The following FAM86B1 variants were observed in gnomAD, a reference collection of about 807,000 sequenced individuals.
FAM86B1 encodes the protein putative protein N-methyltransferase FAM86B1.
For synonymous variants in FAM86B1, 4 were observed against 137.6 expected, an observed-to-expected ratio of 0.03 and a Z score of 6.79; for missense variants, 13 against 328.1, an observed-to-expected ratio of 0.04 and a Z score of 7.42.
In FAM86B1 at chr8:12,192,956, C is replaced by A. The variant is rs1309131143; in HGVS notation, c.96+1019G>T. On this transcript the variant is annotated intron_variant, in intron 1 of 6. Transcript: ENST00000448228. ...AGATACAGTCACTTGCCCAAGGTCA[C>A]ACAGGGCCAGGGGTTGGGCCAGGAT... Among the ~76,000 whole-genome samples the A allele has an allele frequency of 8.8e-3, 1,262 of 143,566 alleles. 4 individuals carry two copies. Among genetic ancestry groups the A allele is most frequent in the African/African-American group, 0.035 (1,194 of 34,502 alleles). The allele number at this position is 143,566 out of a possible 152,430, so 94.2% of individuals were successfully genotyped here. A position where few individuals can be genotyped will look rare whatever the true frequency, so the allele number is the denominator to read the frequency against.
At chr8:12,192,840 G>A (rs866373508) in intron 1 of FAM86B1, among the ~76,000 whole-genome samples, 1,551 of 148,968 alleles carry the variant, frequency 0.01, 27 homozygotes, top group African/African-American at 0.038. Flanking sequence ...GCACTGATCC[G>A]CAGGCATTTG....
At chr8:12,187,239 G>C in intron 3 of FAM86B1, among the ~76,000 whole-genome samples, 1 of 35,412 alleles carries the variant, frequency 2.8e-5, no homozygotes, top group African/African-American at 6.4e-5. Flanking sequence ...TGTCACCCAG[G>C]CTGGAGTCAG....
intron 2 of FAM86B1, 136 bp from the exon 3 acceptor site, chr8:12,190,024 GC>G (rs1372477755): frequency 4.8e-5 from 4 of 83,584 alleles, no homozygotes; most frequent in African/African-American, 3.0e-4. Context: ...CAGCGTTCTG[GC>G]CCCATGCATC....
intron 1 of FAM86B1, among the ~76,000 whole-genome samples, chr8:12,193,414 C>T (rs1807270389): frequency 7.2e-6 from 1 of 138,138 alleles, no homozygotes; most frequent in Non-Finnish European, 1.5e-5. Flanking sequence ...GAGGCTGCTG[C>T]CTGCCATGTG....
chr8:12,192,608 G>GT (rs1807087972), intron 1 of FAM86B1, among the ~76,000 whole-genome samples: 1 of 85,670 alleles, frequency 1.2e-5, no homozygotes, highest in Non-Finnish European at 2.3e-5. Context: ...GTTCTCCCCA[G>GT]TTGCTCCATT....
chr8:12,193,119 G>T (rs1166546341), intron 1 of FAM86B1, among the ~76,000 whole-genome samples: 3 of 143,374 alleles, frequency 2.1e-5, no homozygotes, highest in Admixed American at 1.4e-4. Context: ...TTAGCATTCA[G>T]TGTGGGCATG....
At chr8:12,189,246 C>CA (rs1282299593) in intron 3 of FAM86B1, among the ~76,000 whole-genome samples, 7 of 141,024 alleles carry the variant, frequency 5.0e-5, no homozygotes, top group South Asian at 4.4e-4. Flanking sequence ...GACTCTGTCT[C>CA]AAAAAAAATA....
chr8:12,190,751 A>AT (rs548024674), intron 2 of FAM86B1, among the ~76,000 whole-genome samples: 79 of 93,436 alleles, frequency 8.5e-4, no homozygotes, highest in African/African-American at 3.2e-3. Flanking sequence ...CACCCAGCTA[A>AT]TTTTTTTTTA....
At chr8:12,192,795 C>G (rs1807128252) in intron 1 of FAM86B1, among the ~76,000 whole-genome samples, 1 of 150,122 alleles carries the variant, frequency 6.7e-6, no homozygotes, top group African/African-American at 2.5e-5. Flanking sequence ...GAAGAAAACA[C>G]TAGCTAACAC....
rs1305234513 is a variant in FAM86B1, at chr8:12,183,554, TC to T, written c.*51del. ...ATCCACTTTCCCATATAAAAATTCTTCCCACGAGAGTGACTTGATTCTCACA... is the reference window on the plus strand; with the variant it reads ...ATCCACTTTCCCATATAAAAATTCTTCCACGAGAGTGACTTGATTCTCACA... On this transcript the variant is annotated 3_prime_UTR_variant, in exon 7 of 7. Transcript: ENST00000448228. The T allele has an allele frequency of 1.8e-6, 1 of 553,202 alleles. No individual in the cohort carries two copies. Among genetic ancestry groups the T allele is most frequent in the Non-Finnish European group, 3.3e-6 (1 of 306,226 alleles). 34.3% of individuals were successfully genotyped at this position (553,202 alleles called of 1,614,324 possible). A position where few individuals can be genotyped will look rare whatever the true frequency, so the allele number is the denominator to read the frequency against.
chr8:12,185,733 AG>A, intron 5 of FAM86B1: 1 of 458,778 alleles, frequency 2.2e-6, no homozygotes, highest in Non-Finnish European at 3.6e-6. Flanking sequence ...CCGAAGCAAA[AG>A]AAAAAAATCT....
upstream of FAM86B1, chr8:12,194,793 G>C (rs1307210318): frequency 6.7e-6 from 1 of 149,712 alleles, no homozygotes; most frequent in Non-Finnish European, 1.4e-5. Context: ...CCGAGACCTA[G>C]CTGGGCTTGG....
intron 1 of FAM86B1, among the ~76,000 whole-genome samples, chr8:12,192,491 T>G (rs1807065228): frequency 7.7e-6 from 1 of 129,758 alleles, no homozygotes; most frequent in South Asian, 2.3e-4. Flanking sequence ...CCTTTGCATA[T>G]CTTGTTCCCC....
intron 3 of FAM86B1, among the ~76,000 whole-genome samples, chr8:12,187,099 T>TA (rs571771462): frequency 0.08 from 688 of 8,642 alleles, 18 homozygotes; most frequent in African/African-American, 0.14. Context: ...GGAGCACAGG[T>TA]CAGTGGTGGC....
At chr8:12,192,771 A>T (rs1374051671) in intron 1 of FAM86B1, among the ~76,000 whole-genome samples, 5 of 149,030 alleles carry the variant, frequency 3.4e-5, no homozygotes, top group Admixed American at 2.7e-4. Context: ...GCATTTATTA[A>T]ACATTTTGAG....
rs1050465467 is a variant in FAM86B1 at position 12,182,513 on chromosome 8, G to C, written c.*1093C>G. The C allele has an allele frequency of 8.1e-6, 12 of 1,478,056 alleles. No homozygotes were observed. In the African/African-American group the frequency reaches 1.3e-4, roughly 16 times the overall value. The allele number at this position is 1,478,056 out of a possible 1,614,324, so 91.6% of individuals were successfully genotyped here. On this transcript the variant is annotated 3_prime_UTR_variant, in exon 7 of 7. Transcript: ENST00000448228. ...GGGTTGTTGTTGGGTCGGGGACCTG[G>C]GGTCATCCAAGTGGTGACCTGGGAT...
intron 1 of FAM86B1, among the ~76,000 whole-genome samples, chr8:12,192,976 C>G (rs1381711139): frequency 1.4e-5 from 2 of 144,188 alleles, no homozygotes; most frequent in African/African-American, 5.7e-5. Context: ...GGGGTTGGGC[C>G]AGGATTCGAA....
chr8:12,193,108 G>C (rs1242939749), intron 1 of FAM86B1, among the ~76,000 whole-genome samples: 18 of 143,568 alleles, frequency 1.3e-4, no homozygotes, highest in Non-Finnish European at 2.7e-4. Context: ...GTGAGCCCAA[G>C]TTAGCATTCA....
intron 2 of FAM86B1, among the ~76,000 whole-genome samples, chr8:12,190,659 A>G (rs1327666324): frequency 3.1e-5 from 2 of 64,740 alleles, no homozygotes; most frequent in African/African-American, 2.1e-4. Flanking sequence ...ATCTTGGCTC[A>G]CTGCAGCCTC....
Sources: gnomAD v4.1 joint callset for allele counts (sites outside exome capture counted in the v4.1 genomes callset) on GRCh38, gnomAD v4.1.1 for gene constraint, MANE v1.5 for transcripts, NCBI Gene and HGNC (gene_info 2026-07-23, HGNC 2026-07-21) for gene names.